Variants in AGBL1 observed in about 807,000 individuals in gnomAD.
The protein encoded by AGBL1 is AGBL carboxypeptidase 1, also known as cytosolic carboxypeptidase 4.
AGBL1 carries 130 observed loss-of-function variants against 118.9 expected under a neutral mutation model. The ratio of observed to expected loss-of-function variants is 1.09; its 90% CI spans 0.95 to 1.26. The LOEUF (loss-of-function observed/expected upper bound fraction) is 1.26, where lower values mean the gene tolerates loss of function less well. AGBL1 is among the 50% of genes most tolerant of loss of function. The pLI is 0.00. For missense variants in AGBL1, 1,584 were observed against 1,298.1 expected, an observed-to-expected ratio of 1.22 and a Z score of -3.38; for synonymous variants, 555 against 478.9, an observed-to-expected ratio of 1.16 and a Z score of -2.08.
intron 22 of AGBL1, among the ~76,000 whole-genome samples, chr15:86,704,114 C>G (rs909096411): frequency 1.6e-4 from 25 of 152,144 alleles, no homozygotes; most frequent in African/African-American, 5.6e-4. Context: ...TGGACCCCTT[C>G]CTTAGACCTT....
intron 21 of AGBL1, 115 bp downstream of exon 21, chr15:86,554,652 T>A (rs2083707879): frequency 1.8e-6 from 2 of 1,118,354 alleles, no homozygotes; most frequent in South Asian, 2.7e-5. Context: ...AAGTAGAGTT[T>A]GGTCCTCCCT....
chr15:86,833,449 A>G (rs1185051454), intron 22 of AGBL1, among the ~76,000 whole-genome samples: 1 of 152,022 alleles, frequency 6.6e-6, no homozygotes, highest in Non-Finnish European at 1.5e-5. Flanking sequence ...TGACGGGTTT[A>G]TCAGGGGTTT....
intron 22 of AGBL1, among the ~76,000 whole-genome samples, chr15:86,855,980 G>A (rs2079474707): frequency 6.6e-6 from 1 of 152,182 alleles, no homozygotes; most frequent in Non-Finnish European, 1.5e-5. Context: ...AAACCCGGGA[G>A]CTCAAGATTA....
rs137905141 is a variant in AGBL1, at chr15:86,585,185, G to C, written c.2994+30648G>C. Among the ~76,000 whole-genome samples, 68 of 152,064 alleles carry C rather than the reference G, an allele frequency of 4.5e-4. 1 individual carries two copies. Among genetic ancestry groups the C allele is most frequent in the Middle Eastern group, 3.4e-3 (1 of 294 alleles). On this transcript the variant is annotated intron_variant, in intron 21 of 22. Coordinates refer to ENST00000614907, the MANE Select transcript of AGBL1 (RefSeq NM_001386094.1). ...TGGATGCCTTTTATTTCTTTCTCTT[G>C]CCTGATTGCTCTGGCTAGTACTTCC...
At chr15:86,176,242 C>G (rs574067216) in intron 5 of AGBL1, among the ~76,000 whole-genome samples, 1 of 152,136 alleles carries the variant, frequency 6.6e-6, no homozygotes, top group Non-Finnish European at 1.5e-5. Context: ...CACATAAGCA[C>G]CCAAACTGGC....
intron 21 of AGBL1, among the ~76,000 whole-genome samples, chr15:86,586,950 G>A (rs1163114441): frequency 6.6e-6 from 1 of 152,126 alleles, no homozygotes; most frequent in Non-Finnish European, 1.5e-5. Context: ...CCTGTTTAAT[G>A]AGCTTTAAGG....
At chr15:86,688,529 A>G (rs1168819648) in intron 22 of AGBL1, among the ~76,000 whole-genome samples, 2 of 152,194 alleles carry the variant, frequency 1.3e-5, no homozygotes, top group Non-Finnish European at 2.9e-5. Flanking sequence ...AGAAAGTGGT[A>G]TAGTCTCCCG....
intron 18 of AGBL1, among the ~76,000 whole-genome samples, chr15:86,460,205 T>C (rs1044470192): frequency 6.0e-5 from 9 of 149,040 alleles, no homozygotes; most frequent in African/African-American, 2.0e-4. Context: ...GGCCATTGGA[T>C]GATAGGCATC....
In AGBL1 at chr15:86,266,992, C is replaced by A. The variant is rs1304240577; in HGVS notation, c.1754C>A (p.Pro585His). 3 of 1,566,464 alleles carry A rather than the reference C, an allele frequency of 1.9e-6. No homozygotes were observed. The highest frequency in any genetic ancestry group is 3.8e-5 in the Admixed American group (2 of 53,332). The stretch of plus-strand genomic sequence containing the variant: ...ACATGTTCCTTATTTCATTGTAGGC[C>A]TTTGCAAGACAATGCTTCCAATTGT... ...KVVFSLDEPW[P>H]LQDNASNCLR... The change falls in exon 13 of 23, where the codon CCT becomes CAT. Residue 585 changes from proline to histidine, a missense_variant and splice_region_variant. Coordinates refer to ENST00000614907, the MANE Select transcript of AGBL1 (RefSeq NM_001386094.1).
intron 21 of AGBL1, among the ~76,000 whole-genome samples, chr15:86,646,012 A>G (rs188286972): frequency 1.6e-4 from 24 of 152,314 alleles, no homozygotes; most frequent in African/African-American, 5.5e-4. Context: ...AATATTTTGT[A>G]TAACTCCTCT....
intron 18 of AGBL1, among the ~76,000 whole-genome samples, chr15:86,421,466 G>A (rs1596093449): frequency 6.6e-6 from 1 of 152,122 alleles, no homozygotes; most frequent in African/African-American, 2.4e-5. Context: ...ACTAAATATG[G>A]AAAGGAAAAA....
intron 19 of AGBL1, among the ~76,000 whole-genome samples, chr15:86,543,350 T>C (rs1310657350): frequency 1.3e-5 from 2 of 152,262 alleles, no homozygotes; most frequent in Non-Finnish European, 2.9e-5. Flanking sequence ...CTTTTACATA[T>C]GCTATAAACA....
Position 86,779,824 on chromosome 15 carries a change from T to A in AGBL1, c.3158+105388T>A, listed in dbSNP as rs556252988. 8.5e-5 allele frequency among the ~76,000 whole-genome samples: 13 copies of A among 152,228 alleles called. No homozygotes were observed. The South Asian group carries it at 2.7e-3, about 32-fold the overall frequency. On this transcript the variant is annotated intron_variant, in intron 22 of 22. Transcript: ENST00000614907. ...TTTATTAACCATTTGAGTCTCTTCT[T>A]TTGTGAAGAGCCTATTCAAACTTTT... is the stretch of plus-strand genomic sequence containing the variant.
intron 22 of AGBL1, among the ~76,000 whole-genome samples, chr15:86,713,917 TAGAG>T (rs770913394): frequency 4.6e-5 from 7 of 152,254 alleles, no homozygotes; most frequent in African/African-American, 9.6e-5. Context: ...ATGCGGCTGT[TAGAG>T]AGAGTGAAAT....
intron 22 of AGBL1, among the ~76,000 whole-genome samples, chr15:86,807,010 C>G (rs1196018521): frequency 6.6e-6 from 1 of 151,920 alleles, no homozygotes; most frequent in Non-Finnish European, 1.5e-5. Context: ...AAACTTGTAA[C>G]TGCTTTCTAG....
rs545496888 is a variant in AGBL1 at position 86,571,984 on chromosome 15, C to T, written c.2994+17447C>T. On this transcript the variant is annotated intron_variant, in intron 21 of 22. Coordinates refer to ENST00000614907, the MANE Select transcript of AGBL1 (RefSeq NM_001386094.1). ...TCCTCAGCACCCCCTTAGCCTCCCT[C>T]CCATGCTTGTTGGTGCACAAAGTCC... Among the ~76,000 whole-genome samples, 137 of 152,320 alleles carry T rather than the reference C, an allele frequency of 9.0e-4. 1 individual carries two copies. Among genetic ancestry groups the T allele is most frequent in the African/African-American group, 3.2e-3 (133 of 41,584 alleles).
intron 21 of AGBL1, among the ~76,000 whole-genome samples, chr15:86,599,704 C>T (rs2084465192): frequency 6.6e-6 from 1 of 152,078 alleles, no homozygotes; most frequent in African/African-American, 2.4e-5. Flanking sequence ...CATTCTTACC[C>T]AATATCCAAA....
At chr15:86,763,176 C>A (rs1445445087) in intron 22 of AGBL1, among the ~76,000 whole-genome samples, 1 of 151,960 alleles carries the variant, frequency 6.6e-6, no homozygotes, top group East Asian at 1.9e-4. Context: ...ACAACAAAAA[C>A]TATAACAATA....
At chr15:86,091,020 A>T (rs1431643808) in intron 1 of AGBL1, among the ~76,000 whole-genome samples, 1 of 152,144 alleles carries the variant, frequency 6.6e-6, no homozygotes, top group Non-Finnish European at 1.5e-5. Flanking sequence ...AAATTAACAT[A>T]TATAGGTTTC....
Sources: gnomAD v4.1 joint callset for allele counts (sites outside exome capture counted in the v4.1 genomes callset) on GRCh38, gnomAD v4.1.1 for gene constraint, MANE v1.5 for transcripts, NCBI Gene and HGNC (gene_info 2026-07-23, HGNC 2026-07-21) for gene names.